TET1: variants seen among roughly 807,000 people sequenced by gnomAD.
The protein encoded by TET1 is tet methylcytosine dioxygenase 1.
Under a neutral mutation model 148.7 loss-of-function variants are expected in TET1, and 13 were observed. The observed-to-expected ratio is 0.09, with a 90% CI of 0.06 to 0.14. The LOEUF (loss-of-function observed/expected upper bound fraction) is 0.14. Ranked by LOEUF, TET1 falls within the 10% of genes least tolerant of loss-of-function variation. The probability of loss-of-function intolerance (pLI) is 1.00; values close to 1 mark genes in which losing one functional copy is unlikely to be tolerated. For missense variants in TET1, 2,182 were observed against 2,553.8 expected, an observed-to-expected ratio of 0.85 and a Z score of 3.14; for synonymous variants, 907 against 937.2, an observed-to-expected ratio of 0.97 and a Z score of 0.59.
At chr10:68,596,550 A>T (rs1193763362) in intron 2 of TET1, among the ~76,000 whole-genome samples, 1 of 152,032 alleles carries the variant, frequency 6.6e-6, no homozygotes, top group Non-Finnish European at 1.5e-5. Context: ...TGGCCTCTCA[A>T]AGTGCTTGGA....
intron 11 of TET1, among the ~76,000 whole-genome samples, chr10:68,689,804 G>C (rs977351734): frequency 6.6e-6 from 1 of 151,808 alleles, no homozygotes; most frequent in East Asian, 1.9e-4. Flanking sequence ...CTTCATAACA[G>C]GGAGAATGTC....
intron 3 of TET1, among the ~76,000 whole-genome samples, chr10:68,616,331 C>T (rs2054289361): frequency 6.6e-6 from 1 of 150,386 alleles, no homozygotes; most frequent in African/African-American, 2.4e-5. Flanking sequence ...GAATTTCCCT[C>T]AAATTGAGTT....
At chr10:68,612,196 T>C (rs551397094) in intron 3 of TET1, among the ~76,000 whole-genome samples, 17 of 151,970 alleles carry the variant, frequency 1.1e-4, no homozygotes, top group African/African-American at 4.1e-4. Flanking sequence ...TTCAAGTGAT[T>C]CTCCTGTCTC....
At chr10:68,574,346 A>T in intron 2 of TET1, 94 bp downstream of exon 2, 1 of 963,486 alleles carries the variant, frequency 1.0e-6, no homozygotes. Context: ...GTCTCTATGT[A>T]ATAGTGAATT....
chr10:68,597,540 G>T (rs548378514), intron 2 of TET1, among the ~76,000 whole-genome samples: 1 of 152,142 alleles, frequency 6.6e-6, no homozygotes, highest in African/African-American at 2.4e-5. Context: ...AAAATGGTGC[G>T]GCTGCTATGG....
intron 1 of TET1, among the ~76,000 whole-genome samples, chr10:68,565,071 T>A (rs1433302020): frequency 5.3e-5 from 8 of 152,158 alleles, no homozygotes; most frequent in Non-Finnish European, 1.0e-4. Flanking sequence ...TATCAGTTTT[T>A]ATCAGAAATG....
intron 2 of TET1, among the ~76,000 whole-genome samples, chr10:68,582,302 T>C (rs1008524318): frequency 1.3e-5 from 2 of 152,106 alleles, no homozygotes; most frequent in Non-Finnish European, 2.9e-5. Context: ...TTTCTCCATG[T>C]TGGTCAGGCT....
chr10:68,591,339 G>T (rs2053916681), intron 2 of TET1, among the ~76,000 whole-genome samples: 1 of 152,110 alleles, frequency 6.6e-6, no homozygotes. Flanking sequence ...ATGGAAAAGT[G>T]CTTTTCAATA....
intron 6 of TET1, among the ~76,000 whole-genome samples, chr10:68,657,197 G>T (rs2055036228): frequency 6.6e-6 from 1 of 151,492 alleles, no homozygotes; most frequent in Non-Finnish European, 1.5e-5. Flanking sequence ...TTTTTTTTGA[G>T]AGGGAGCCTC....
At chr10:68,650,891 C>G (rs1206541558) in intron 4 of TET1, among the ~76,000 whole-genome samples, 2 of 152,138 alleles carry the variant, frequency 1.3e-5, no homozygotes, top group Non-Finnish European at 2.9e-5. Context: ...TCTTCCTATA[C>G]TCCCATTCTA....
intron 2 of TET1, among the ~76,000 whole-genome samples, chr10:68,588,668 A>G (rs1164843261): frequency 1.3e-5 from 2 of 152,236 alleles, no homozygotes; most frequent in Non-Finnish European, 2.9e-5. Flanking sequence ...ATTTCACACA[A>G]AAAACAAAAA....
At position 68,655,430 on chromosome 10, in the gene TET1, A is replaced by G. The variant is rs77589649; in HGVS notation, c.4461+2836A>G. ...ATAGTTGTTACCAATTTATTGAGCT[A>G]TATCTGTTAGCTATTTCTGAATTGT... is the stretch of plus-strand genomic sequence containing the variant. On this transcript the variant is annotated intron_variant, in intron 6 of 11. Transcript: ENST00000373644. Among the ~76,000 whole-genome samples, 1,360 of 152,278 alleles carry G rather than the reference A, an allele frequency of 8.9e-3. 17 individuals carry two copies. The highest frequency in any genetic ancestry group is 0.031 in the African/African-American group (1,283 of 41,552).
intron 2 of TET1, among the ~76,000 whole-genome samples, chr10:68,582,175 C>A (rs1207165552): frequency 6.6e-6 from 1 of 151,698 alleles, no homozygotes; most frequent in Non-Finnish European, 1.5e-5. Flanking sequence ...ATCTTGGTCA[C>A]CACAACCTCC....
rs2055626366 is a variant in TET1, at chr10:68,694,119, TG to T, written c.*2306del. On this transcript the variant is annotated 3_prime_UTR_variant, in exon 12 of 12. Transcript: ENST00000373644. The stretch of plus-strand genomic sequence containing the variant: ...AATAGGTTTCTTAACAATCTAAACT[TG>T]AAACATCAATGTTAATTTTTGGAAC... The T allele has an allele frequency of 4.3e-6, 1 of 232,430 alleles. No homozygotes were observed. The highest frequency in any genetic ancestry group is 5.6e-5 in the Admixed American group (1 of 17,766). The allele number at this position is 232,430 out of a possible 1,614,324, so 14.4% of individuals were successfully genotyped here. A position where few individuals can be genotyped will look rare whatever the true frequency, so the allele number is the denominator to read the frequency against.
Position 68,573,029 on chromosome 10 carries a change from G to A in TET1, c.691G>A (p.Glu231Lys), listed in dbSNP as rs1234783951. Residue 231 changes from glutamate to lysine, a missense_variant, in exon 2 of 12, where the codon GAG (glutamate) becomes AAG (lysine). Glu to Lys is a moderately conservative substitution (Grantham distance 56, BLOSUM62 1). This residue lies in a region of TET1 where 665 missense variants were observed against 672.4 expected (regional missense o/e 0.99). Coordinates refer to ENST00000373644, the MANE Select transcript of TET1 (RefSeq NM_030625.3). ...TRCGEGLFSE[E>K]TLNDTSGSPK... is the part of the protein sequence containing the mutation. ...CTGTGGTGAAGGACTATTCTCTGAAGAGACATTGAATGATACCAGTGGTTC... is the reference window on the plus strand; with the variant it reads ...CTGTGGTGAAGGACTATTCTCTGAAAAGACATTGAATGATACCAGTGGTTC... 2 of 1,614,040 alleles carry A rather than the reference G, an allele frequency of 1.2e-6. No individual in the cohort carries two copies. Among genetic ancestry groups the A allele is most frequent in the East Asian group, 2.2e-5 (1 of 44,898 alleles).
chr10:68,618,800 T>C (rs1182751869), intron 3 of TET1, among the ~76,000 whole-genome samples: 4 of 152,142 alleles, frequency 2.6e-5, no homozygotes, highest in Non-Finnish European at 5.9e-5. Flanking sequence ...GATTAATCAG[T>C]ATGATTTAAA....
At chr10:68,632,846 AAAAAAAG>A (rs995622984) in intron 3 of TET1, 7 of 808,836 alleles carry the variant, frequency 8.7e-6, no homozygotes, top group Admixed American at 5.7e-5. Flanking sequence ...AAAAAAAAAA[AAAAAAAG>A]AAAGAAAACA....
intron 2 of TET1, among the ~76,000 whole-genome samples, chr10:68,577,312 G>T (rs886503054): frequency 6.6e-6 from 1 of 152,036 alleles, no homozygotes; most frequent in Non-Finnish European, 1.5e-5. Flanking sequence ...CTCCCAAAGT[G>T]CTGGGATTAC....
intron 3 of TET1, among the ~76,000 whole-genome samples, chr10:68,618,715 C>A: frequency 6.6e-6 from 1 of 152,138 alleles, no homozygotes; most frequent in Non-Finnish European, 1.5e-5. Flanking sequence ...ATAGTACAAT[C>A]CTATGTACAA....
Sources: allele counts gnomAD v4.1 joint callset (sites outside exome capture counted in the v4.1 genomes callset), GRCh38; gene constraint gnomAD v4.1.1; regional missense constraint gnomAD v4.1.1; transcripts MANE v1.5; gene names NCBI Gene and HGNC (gene_info 2026-07-23, HGNC 2026-07-21).